The following CNTN4 variants were observed in gnomAD, a reference collection of about 807,000 sequenced individuals.
CNTN4 encodes contactin-4.
A neutral mutation model predicts 122.5 loss-of-function variants in CNTN4; 77 were observed. The observed-to-expected ratio is 0.63, with a 90% CI of 0.52 to 0.76. CNTN4 has a LOEUF of 0.76. CNTN4 is among the 30% of genes least tolerant of loss of function. CNTN4 has a pLI of 0.00. For synonymous variants in CNTN4, 512 were observed against 447.0 expected, an observed-to-expected ratio of 1.15 and a Z score of -1.83; for missense variants, 1,256 against 1,259.1, an observed-to-expected ratio of 1.00 and a Z score of 0.04.
chr3:2,281,101 G>C (rs2041698440), intron 2 of CNTN4, among the ~76,000 whole-genome samples: 2 of 152,166 alleles, frequency 1.3e-5, no homozygotes, highest in Admixed American at 1.3e-4. Flanking sequence ...GTCATCCCTG[G>C]TCACATAAGA....
chr3:2,708,727 T>TCACA (rs10530575), intron 4 of CNTN4, among the ~76,000 whole-genome samples: 2,733 of 150,944 alleles, frequency 0.018, 47 homozygotes, highest in African/African-American at 0.04. Flanking sequence ...CACGCGCGCA[T>TCACA]CACACACACA....
At chr3:2,511,479 GGCGGAGAGCCATGCAGCGCGCA>G (rs1176611040) in intron 3 of CNTN4, 2 of 152,366 alleles carry the variant, frequency 1.3e-5, no homozygotes, top group South Asian at 2.1e-4. Context: ...GATGAATGCT[GGCGGAGAGCCATGCAGCGCGCA>G]GCGGAGAGCA....
At chr3:2,617,482 A>G (rs2081810831) in intron 4 of CNTN4, among the ~76,000 whole-genome samples, 1 of 131,950 alleles carries the variant, frequency 7.6e-6, no homozygotes, top group African/African-American at 2.9e-5. Flanking sequence ...GTGCAGTGAC[A>G]TGATCTTGGC....
In CNTN4 at chr3:2,635,493, T is replaced by A. The variant is rs61386752; in HGVS notation, c.55+63935T>A. On this transcript the variant is annotated intron_variant, in intron 4 of 24. Coordinates refer to ENST00000418658, the MANE Select transcript of CNTN4 (RefSeq NM_175607.3). The stretch of plus-strand genomic sequence containing the variant: ...AACATTCATGCATCTCTATCCCCCA[T>A]GTCCAGTGGCTCCTTCACCATGGAA... 8.9e-3 allele frequency among the ~76,000 whole-genome samples: 1,355 copies of A among 152,304 alleles called. 25 individuals are homozygous for A. The highest frequency in any genetic ancestry group is 0.031 in the African/African-American group (1,307 of 41,578).
intron 12 of CNTN4, among the ~76,000 whole-genome samples, chr3:2,915,399 A>C (rs1215188969): frequency 2.0e-5 from 3 of 152,212 alleles, no homozygotes; most frequent in Non-Finnish European, 4.4e-5. Flanking sequence ...AAAACACTCA[A>C]CAAAGTAGAG....
chr3:2,637,565 C>T (rs1172145720), intron 4 of CNTN4, among the ~76,000 whole-genome samples: 2 of 152,110 alleles, frequency 1.3e-5, no homozygotes, highest in South Asian at 2.1e-4. Flanking sequence ...TATGTCACCC[C>T]GTGATTGGTC....
chr3:2,843,343 A>G (rs2093397352), intron 7 of CNTN4, among the ~76,000 whole-genome samples: 1 of 152,016 alleles, frequency 6.6e-6, no homozygotes, highest in Non-Finnish European at 1.5e-5. Flanking sequence ...AACTCTCCCT[A>G]CCTTCAACCA....
intron 2 of CNTN4, among the ~76,000 whole-genome samples, chr3:2,177,231 CTT>C (rs1157521167): frequency 6.6e-6 from 1 of 152,122 alleles, no homozygotes; most frequent in Non-Finnish European, 1.5e-5. Flanking sequence ...GAATATATGA[CTT>C]TATCACTGTA....
At chr3:2,866,424 A>G in intron 7 of CNTN4, 2 of 1,137,694 alleles carry the variant, frequency 1.8e-6, no homozygotes, top group Non-Finnish European at 2.2e-6. Context: ...CTGTAATTTG[A>G]GCATTACTCA....
chr3:2,882,953 A>G, intron 8 of CNTN4, 192 bp from the exon 9 acceptor site: 1 of 538,184 alleles, frequency 1.9e-6, no homozygotes, highest in Non-Finnish European at 3.4e-6. Context: ...CTGCGACACA[A>G]ATTTTTCTGT....
At chr3:2,792,584 G>T (rs1005698662) in intron 6 of CNTN4, among the ~76,000 whole-genome samples, 3 of 152,224 alleles carry the variant, frequency 2.0e-5, no homozygotes, top group African/African-American at 7.2e-5. Flanking sequence ...AATGCACTCA[G>T]ATTTTTGATA....
chr3:2,669,103 C>T (rs1172921567), intron 4 of CNTN4, among the ~76,000 whole-genome samples: 1 of 152,162 alleles, frequency 6.6e-6, no homozygotes, highest in Admixed American at 6.5e-5. Flanking sequence ...ATGCTGGCCT[C>T]ATAAAACGAG....
chr3:2,264,364 GT>G (rs1290231924), intron 2 of CNTN4, among the ~76,000 whole-genome samples: 3 of 151,922 alleles, frequency 2.0e-5, no homozygotes, highest in Admixed American at 6.6e-5. Context: ...TTTCTTGATG[GT>G]TAGTGATATT....
intron 2 of CNTN4, among the ~76,000 whole-genome samples, chr3:2,174,552 T>A (rs1452412399): frequency 6.6e-6 from 1 of 152,142 alleles, no homozygotes; most frequent in Non-Finnish European, 1.5e-5. Flanking sequence ...GGCACTAATC[T>A]CATTCAAAAG....
chr3:2,702,041 C>T (rs2086387221), intron 4 of CNTN4, among the ~76,000 whole-genome samples: 2 of 152,194 alleles, frequency 1.3e-5, no homozygotes, highest in African/African-American at 4.8e-5. Context: ...ATAAGATCAA[C>T]AGCATTCTCA....
intron 3 of CNTN4, among the ~76,000 whole-genome samples, chr3:2,544,655 A>C (rs2078171585): frequency 6.6e-6 from 1 of 151,880 alleles, no homozygotes. Context: ...GTTTGTGTGC[A>C]TTGAAGTGTT....
intron 16 of CNTN4, among the ~76,000 whole-genome samples, chr3:3,032,336 A>G (rs1699238816): frequency 6.6e-6 from 1 of 152,252 alleles, no homozygotes; most frequent in African/African-American, 2.4e-5. Context: ...CCAATAAATT[A>G]GACTAATAAA....
intron 2 of CNTN4, among the ~76,000 whole-genome samples, chr3:2,166,345 AAAGAT>A (rs2036194239): frequency 6.6e-6 from 1 of 151,970 alleles, no homozygotes; most frequent in Non-Finnish European, 1.5e-5. Flanking sequence ...CAAAAAGTGA[AAAGAT>A]AACAAGCAAG....
intron 6 of CNTN4, among the ~76,000 whole-genome samples, chr3:2,778,288 T>C (rs953810052): frequency 5.6e-5 from 2 of 35,544 alleles, no homozygotes; most frequent in African/African-American, 1.0e-4. Context: ...AAATATTTTG[T>C]GTTATCCATG....
Sources: gnomAD v4.1 joint callset for allele counts (sites outside exome capture counted in the v4.1 genomes callset) on GRCh38, gnomAD v4.1.1 for gene constraint, MANE v1.5 for transcripts, NCBI Gene and HGNC (gene_info 2026-07-23, HGNC 2026-07-21) for gene names.